The following SERPINE2 variants were observed in gnomAD, a reference collection of about 807,000 sequenced individuals.
The protein encoded by SERPINE2 is glia-derived nexin.
SERPINE2 carries 14 observed loss-of-function variants against 36.3 expected under a neutral mutation model. The ratio of observed to expected loss-of-function variants is 0.39; its 90% CI spans 0.25 to 0.60. SERPINE2 has a LOEUF of 0.60. SERPINE2 is among the 20% of genes least tolerant of loss of function. The pLI, the probability that SERPINE2 is intolerant of heterozygous loss-of-function variation, is 0.57. For missense variants in SERPINE2, 418 were observed against 499.6 expected (o/e 0.84, Z 1.56); for synonymous variants, 192 against 191.8 (o/e 1.00, Z -0.01).
rs201063511 is a variant in SERPINE2 at position 224,001,628 on chromosome 2, T to C, written c.259+14A>G. On this transcript the variant is annotated intron_variant, in intron 2 of 8. Coordinates refer to ENST00000409304, the MANE Select transcript of SERPINE2 (RefSeq NM_001136528.2). Reference sequence around the variant, plus strand: ...AGGCAAAGGCTCCGCCAGTGAGCAATTGTGCACACGCACCATTTACGCCGT... The same window carrying C: ...AGGCAAAGGCTCCGCCAGTGAGCAACTGTGCACACGCACCATTTACGCCGT... The C allele has an allele frequency of 1.3e-4, 204 of 1,607,484 alleles. No individual in the cohort carries two copies. In the East Asian group the frequency reaches 2.2e-3, roughly 18 times the overall value.
chr2:224,036,001 A>G (rs1287750489), intron 1 of SERPINE2, among the ~76,000 whole-genome samples: 1 of 149,368 alleles, frequency 6.7e-6, no homozygotes, highest in African/African-American at 2.5e-5. Context: ...CCAAAAAAAA[A>G]CGGACAAATC....
intron 3 of SERPINE2, among the ~76,000 whole-genome samples, chr2:223,996,658 C>A (rs950950957): frequency 1.3e-5 from 2 of 152,170 alleles, no homozygotes; most frequent in African/African-American, 4.8e-5. Flanking sequence ...AACACATAGC[C>A]CAGATAATTC....
At chr2:224,038,953 C>G (rs1692618665) in intron 1 of SERPINE2, 146 bp downstream of exon 1, 1 of 157,406 alleles carries the variant, frequency 6.4e-6, no homozygotes, top group Non-Finnish European at 1.4e-5. Context: ...CCGACGTCGG[C>G]GCCCCAGGGT....
intron 1 of SERPINE2, among the ~76,000 whole-genome samples, chr2:224,029,783 C>T (rs1692298338): frequency 6.6e-6 from 1 of 152,224 alleles, no homozygotes; most frequent in Non-Finnish European, 1.5e-5. Context: ...ACTGCAACTT[C>T]CGCCTCCGGG....
At position 223,998,291 on chromosome 2, in the gene SERPINE2, T is replaced by C; in HGVS notation, c.311A>G (p.Asn104Ser). The C allele has an allele frequency of 6.2e-7, 1 of 1,614,248 alleles. No homozygotes were observed. The highest frequency in any genetic ancestry group is 1.7e-5 in the Admixed American group (1 of 60,036). ...KINKAIVSKK[N>S]KDIVTVANAV... ...GTTAGCCACTGTCACAATGTCTTTA[T>C]TCTTCTTGGAGACGATGGCCTTGTT... is the stretch of plus-strand genomic sequence containing the variant. The change falls in exon 3 of 9, where the codon AAT (asparagine) becomes AGT (serine). Residue 104 changes from asparagine (N) to serine (S), a missense_variant. Asn to Ser is a conservative substitution (Grantham distance 46). Coordinates refer to ENST00000409304, the MANE Select transcript of SERPINE2 (RefSeq NM_001136528.2).
In SERPINE2 at chr2:223,984,624, G is replaced by A. The variant is rs375882264; in HGVS notation, c.884+128C>T. The A allele has an allele frequency of 1.2e-5, 10 of 841,338 alleles. No homozygotes were observed. In the East Asian group the frequency reaches 2.7e-4, roughly 22 times the overall value. The allele number at this position is 841,338 out of a possible 1,614,324, so 52.1% of individuals were successfully genotyped here. A position where few individuals can be genotyped will look rare whatever the true frequency, so the allele number is the denominator to read the frequency against. ...AAGCACGGCCTCGTAATCCCACCAT[G>A]AAATTTCTGCAGAACAGAACAGGCT... On this transcript the variant is annotated intron_variant, in intron 5 of 8. Coordinates refer to ENST00000409304, the MANE Select transcript of SERPINE2 (RefSeq NM_001136528.2).
At chr2:224,012,336 G>A (rs1691658003) in intron 1 of SERPINE2, among the ~76,000 whole-genome samples, 1 of 152,078 alleles carries the variant, frequency 6.6e-6, no homozygotes, top group Non-Finnish European at 1.5e-5. Context: ...ATATCCTTTG[G>A]CTGTTAAGAA....
intron 3 of SERPINE2, among the ~76,000 whole-genome samples, chr2:223,993,697 CAA>C (rs748722776): frequency 3.3e-5 from 5 of 152,062 alleles, no homozygotes; most frequent in African/African-American, 4.8e-5. Context: ...AAATGAAACT[CAA>C]GAGGATTCTG....
chr2:224,030,954 T>TA lies in SERPINE2; in HGVS notation c.-23+8144dup, dbSNP rs1181688588. 6.1e-6 allele frequency: 6 copies of TA among 985,316 alleles called. No individual in the cohort carries two copies. The East Asian group carries it at 5.7e-4, about 93-fold the overall frequency. 61.0% of individuals were successfully genotyped at this position (985,316 alleles called of 1,614,324 possible). On this transcript the variant is annotated intron_variant, in intron 1 of 8. Coordinates refer to ENST00000409304, the MANE Select transcript of SERPINE2 (RefSeq NM_001136528.2). Reference sequence around the variant, plus strand: ...GGAAGGAACTAGGGGGCCAAAGGCATAAAACCATGATTCAAACGTACCACA... The same window carrying TA: ...GGAAGGAACTAGGGGGCCAAAGGCATAAAAACCATGATTCAAACGTACCACA...
chr2:224,031,472 A>C, intron 1 of SERPINE2: 3 of 985,488 alleles, frequency 3.0e-6, no homozygotes, highest in Non-Finnish European at 3.6e-6. Context: ...CCTCCTAACC[A>C]AGGATTGACC....
chr2:224,010,271 T>C, intron 1 of SERPINE2: 1 of 835,156 alleles, frequency 1.2e-6, no homozygotes, highest in South Asian at 5.4e-5. Flanking sequence ...TTGTCTGCCT[T>C]CAAAGTGTAT....
At chr2:224,031,005 T>C (rs566689664) in intron 1 of SERPINE2, 11 of 985,296 alleles carry the variant, frequency 1.1e-5, no homozygotes, top group Non-Finnish European at 1.3e-5. Flanking sequence ...TTCTGTATCA[T>C]GTGTTTTGGT....
At chr2:224,004,616 A>G (rs1043479183) in intron 1 of SERPINE2, among the ~76,000 whole-genome samples, 3 of 152,076 alleles carry the variant, frequency 2.0e-5, no homozygotes. Flanking sequence ...TATTCATTCC[A>G]TCTAAAAACT....
chr2:223,992,765 T>C (rs1040802868), intron 3 of SERPINE2, among the ~76,000 whole-genome samples: 1 of 152,180 alleles, frequency 6.6e-6, no homozygotes, highest in African/African-American at 2.4e-5. Flanking sequence ...TATACATGTA[T>C]CAAAGCATTA....
In SERPINE2 at chr2:224,009,598, G is replaced by T. The variant is rs143094164; in HGVS notation, c.-22-7676C>A. Among the ~76,000 whole-genome samples the T allele has an allele frequency of 2.3e-3, 356 of 152,246 alleles. 1 individual carries two copies. Among genetic ancestry groups the T allele is most frequent in the African/African-American group, 8.2e-3 (339 of 41,530 alleles). On this transcript the variant is annotated intron_variant, in intron 1 of 8. Transcript: ENST00000409304. ...TAATCCCAGCTACTCCAGAGGCTGAGGTGTGGGAATCGCTTGAACCCAGGA... is the reference window on the plus strand; with the variant it reads ...TAATCCCAGCTACTCCAGAGGCTGATGTGTGGGAATCGCTTGAACCCAGGA...
intron 1 of SERPINE2, among the ~76,000 whole-genome samples, chr2:224,034,424 C>CGGG (rs1692471724): frequency 6.6e-6 from 1 of 152,000 alleles, no homozygotes; most frequent in Non-Finnish European, 1.5e-5. Flanking sequence ...GTGCAGTTTA[C>CGGG]GGGAGGTTCA....
chr2:224,032,042 G>C (rs1033443978), intron 1 of SERPINE2, among the ~76,000 whole-genome samples: 17 of 152,108 alleles, frequency 1.1e-4, no homozygotes. Context: ...TTTTGATTTG[G>C]GTTTGTTCTC....
At chr2:224,010,663 TC>T (rs1324594800) in intron 1 of SERPINE2, among the ~76,000 whole-genome samples, 4 of 152,336 alleles carry the variant, frequency 2.6e-5, no homozygotes, top group African/African-American at 9.6e-5. Context: ...ACAATCTTCA[TC>T]CGTCTTAGCT....
intron 1 of SERPINE2, among the ~76,000 whole-genome samples, chr2:224,016,634 TAGAG>T (rs1691809682): frequency 6.6e-6 from 1 of 152,206 alleles, no homozygotes; most frequent in South Asian, 2.1e-4. Flanking sequence ...GGACATTTAT[TAGAG>T]AGAAATGAAA....
Sources: allele counts gnomAD v4.1 joint callset (sites outside exome capture counted in the v4.1 genomes callset), GRCh38; gene constraint gnomAD v4.1.1; transcripts MANE v1.5; gene names NCBI Gene and HGNC (gene_info 2026-07-23, HGNC 2026-07-21).